The following NAALADL2 variants were observed in gnomAD, a reference collection of about 807,000 sequenced individuals.
The protein encoded by NAALADL2 is inactive N-acetylated-alpha-linked acidic dipeptidase-like protein 2.
Under a neutral mutation model 87.2 loss-of-function variants are expected in NAALADL2, and 76 were observed. The observed-to-expected ratio is 0.87, with a 90% CI of 0.72 to 1.05. The LOEUF is 1.05. Ranked by LOEUF, NAALADL2 falls within the 50% of genes least tolerant of loss-of-function variation. NAALADL2 has a pLI of 0.00. For missense variants in NAALADL2, 1,089 were observed against 945.8 expected, an observed-to-expected ratio of 1.15 and a Z score of -1.99; for synonymous variants, 354 against 331.0, an observed-to-expected ratio of 1.07 and a Z score of -0.75.
chr3:175,334,872 A>G (rs1369864154), intron 5 of NAALADL2, among the ~76,000 whole-genome samples: 1 of 152,186 alleles, frequency 6.6e-6, no homozygotes, highest in African/African-American at 2.4e-5. Context: ...ACCTGAAGAT[A>G]CGACCTATCA....
intron 1 of NAALADL2, among the ~76,000 whole-genome samples, chr3:175,011,099 A>C (rs918010225): frequency 1.3e-5 from 2 of 152,202 alleles, no homozygotes; most frequent in Middle Eastern, 3.4e-3. Context: ...CTCACCTCTC[A>C]TTCTTCCAGA....
At chr3:175,099,382 C>A (rs911119078) in intron 2 of NAALADL2, among the ~76,000 whole-genome samples, 4 of 152,124 alleles carry the variant, frequency 2.6e-5, no homozygotes, top group Admixed American at 1.3e-4. Flanking sequence ...TAGTTAGACA[C>A]AGATTAACAA....
At chr3:175,330,181 A>G (rs575868444) in intron 5 of NAALADL2, among the ~76,000 whole-genome samples, 22 of 152,314 alleles carry the variant, frequency 1.4e-4, no homozygotes, top group African/African-American at 5.3e-4. Flanking sequence ...AAGATTTACT[A>G]ATGTTTCTAT....
chr3:175,783,313 C>T (rs1320476288), intron 13 of NAALADL2, among the ~76,000 whole-genome samples: 14 of 152,030 alleles, frequency 9.2e-5, no homozygotes, highest in East Asian at 7.7e-4. Flanking sequence ...GCCATTTTCA[C>T]GATACTGATT....
At chr3:175,257,352 T>C (rs1750152752) in intron 4 of NAALADL2, 1 of 149,676 alleles carries the variant, frequency 6.7e-6, no homozygotes, top group African/African-American at 2.5e-5. Context: ...ATTAGGAAAC[T>C]AGAGAACATC....
intron 3 of NAALADL2, among the ~76,000 whole-genome samples, chr3:174,744,112 G>A (rs544501756): frequency 2.0e-5 from 3 of 152,008 alleles, no homozygotes; most frequent in Admixed American, 2.0e-4. Context: ...TGATGTTCAA[G>A]TCCTAATCCT....
chr3:175,404,436 A>C (rs1711918277), intron 5 of NAALADL2, among the ~76,000 whole-genome samples: 1 of 152,146 alleles, frequency 6.6e-6, no homozygotes, highest in African/African-American at 2.4e-5. Context: ...TCGAATAGCC[A>C]CAACTTCTGA....
At chr3:174,752,375 ATAAG>A (rs958355043) in intron 3 of NAALADL2, among the ~76,000 whole-genome samples, 2 of 152,140 alleles carry the variant, frequency 1.3e-5, no homozygotes, top group African/African-American at 4.8e-5. Context: ...TCCTATGTAA[ATAAG>A]TTTTTAGGTT....
At chr3:174,564,450 A>G (rs1300306049) in intron 2 of NAALADL2, among the ~76,000 whole-genome samples, 3 of 152,152 alleles carry the variant, frequency 2.0e-5, no homozygotes, top group Non-Finnish European at 4.4e-5. Context: ...GGGGAACCCT[A>G]CAGTGCTTGA....
At chr3:175,484,884 G>T (rs111766421) in intron 9 of NAALADL2, among the ~76,000 whole-genome samples, 1 of 152,194 alleles carries the variant, frequency 6.6e-6, no homozygotes, top group Non-Finnish European at 1.5e-5. Context: ...ACTGTTACTT[G>T]CTGTTCTTAT....
intron 12 of NAALADL2, among the ~76,000 whole-genome samples, chr3:175,754,448 AC>A (rs1747000868): frequency 6.6e-6 from 1 of 152,216 alleles, no homozygotes; most frequent in Non-Finnish European, 1.5e-5. Context: ...TGGAAAAGAA[AC>A]AAAGACAAAC....
intron 10 of NAALADL2, among the ~76,000 whole-genome samples, chr3:175,591,916 C>A (rs750912946): frequency 3.9e-4 from 59 of 150,918 alleles, no homozygotes; most frequent in Non-Finnish European, 6.3e-4. Flanking sequence ...GTGAAGTAAA[C>A]CTCAAGAGTA....
At chr3:175,585,750 T>C (rs1190690431) in intron 10 of NAALADL2, among the ~76,000 whole-genome samples, 1 of 152,096 alleles carries the variant, frequency 6.6e-6, no homozygotes, top group Non-Finnish European at 1.5e-5. Flanking sequence ...AATAAAGATA[T>C]GATGACGATT....
At chr3:175,340,199 T>C (rs1762427510) in intron 5 of NAALADL2, among the ~76,000 whole-genome samples, 1 of 152,164 alleles carries the variant, frequency 6.6e-6, no homozygotes, top group Admixed American at 6.6e-5. Flanking sequence ...AATTTTCTCT[T>C]GTTAAGTATA....
At chr3:175,685,087 A>C (rs1414183081) in intron 11 of NAALADL2, among the ~76,000 whole-genome samples, 1 of 152,150 alleles carries the variant, frequency 6.6e-6, no homozygotes, top group African/African-American at 2.4e-5. Context: ...TCACTCCCAT[A>C]TCAAGAGTTC....
chr3:175,174,793 A>G (rs1183844247), intron 2 of NAALADL2, among the ~76,000 whole-genome samples: 1 of 148,288 alleles, frequency 6.7e-6, no homozygotes, highest in African/African-American at 2.6e-5. Context: ...GTGTGTATAT[A>G]TATGTGTGTG....
intron 4 of NAALADL2, among the ~76,000 whole-genome samples, chr3:175,313,635 A>G (rs1279953839): frequency 6.6e-6 from 1 of 152,212 alleles, no homozygotes; most frequent in Admixed American, 6.5e-5. Context: ...GAATTCAACT[A>G]CTATTCCCTT....
chr3:175,488,472 C>T (rs1029355871), intron 9 of NAALADL2, among the ~76,000 whole-genome samples: 3 of 152,218 alleles, frequency 2.0e-5, no homozygotes, highest in African/African-American at 7.2e-5. Context: ...TGCACACATA[C>T]GTGCACATTC....
chr3:175,129,643 A>G (rs1727498924), intron 2 of NAALADL2, among the ~76,000 whole-genome samples: 1 of 152,164 alleles, frequency 6.6e-6, no homozygotes, highest in Non-Finnish European at 1.5e-5. Context: ...CCTTCTTTTT[A>G]AGGCTTAATA....
Sources: allele counts gnomAD v4.1 joint callset (sites outside exome capture counted in the v4.1 genomes callset), GRCh38; gene constraint gnomAD v4.1.1; transcripts MANE v1.5; gene names NCBI Gene and HGNC (gene_info 2026-07-23, HGNC 2026-07-21).